Variants in LRRC20 observed in about 807,000 individuals in gnomAD.
The protein encoded by LRRC20 is leucine-rich repeat-containing protein 20.
Under a neutral mutation model 14.4 loss-of-function variants are expected in LRRC20, and 11 were observed. That is an observed-to-expected ratio of 0.77 (90% CI 0.48 to 1.27). LRRC20 has a LOEUF of 1.27. Ranked by LOEUF, LRRC20 falls within the 50% of genes most tolerant of loss-of-function variation. The pLI, the probability that LRRC20 is intolerant of heterozygous loss-of-function variation, is 0.00. For missense variants in LRRC20, 219 were observed against 251.2 expected, an observed-to-expected ratio of 0.87 and a Z score of 0.87; for synonymous variants, 121 against 107.3, an observed-to-expected ratio of 1.13 and a Z score of -0.79.
At chr10:70,317,856 C>T (rs958006725) in intron 4 of LRRC20, among the ~76,000 whole-genome samples, 5 of 152,216 alleles carry the variant, frequency 3.3e-5, no homozygotes, top group Non-Finnish European at 7.3e-5. Context: ...TCTGAAGCCT[C>T]CCACTATGCC....
chr10:70,306,441 G>T (rs777897439), intron 4 of LRRC20, among the ~76,000 whole-genome samples: 1 of 152,064 alleles, frequency 6.6e-6, no homozygotes, highest in East Asian at 1.9e-4. Flanking sequence ...TATTGGAGGA[G>T]TAGTGCACTG....
At chr10:70,355,459 G>A (rs1253514747) in intron 2 of LRRC20, among the ~76,000 whole-genome samples, 9 of 152,076 alleles carry the variant, frequency 5.9e-5, no homozygotes, top group East Asian at 3.9e-4. Flanking sequence ...GACCACATAC[G>A]TCCAGAAAGT....
intron 2 of LRRC20, among the ~76,000 whole-genome samples, chr10:70,356,157 A>G (rs1416316245): frequency 2.6e-5 from 4 of 152,206 alleles, no homozygotes; most frequent in South Asian, 4.1e-4. Flanking sequence ...ACCTCAGGCA[A>G]GTTACTTAAC....
chr10:70,343,253 G>A (rs1003158150), intron 2 of LRRC20, among the ~76,000 whole-genome samples: 2 of 152,108 alleles, frequency 1.3e-5, no homozygotes, highest in African/African-American at 4.8e-5. Context: ...TCTTCCCAGT[G>A]GACTGGGAAG....
At chr10:70,309,490 TTGCAC>T (rs1289955588) in intron 4 of LRRC20, among the ~76,000 whole-genome samples, 1 of 152,192 alleles carries the variant, frequency 6.6e-6, no homozygotes, top group Non-Finnish European at 1.5e-5. Context: ...CCTGGTCTCC[TTGCAC>T]TGGCCCCCGG....
At chr10:70,311,690 T>C (rs1225297672) in intron 4 of LRRC20, among the ~76,000 whole-genome samples, 1 of 152,132 alleles carries the variant, frequency 6.6e-6, no homozygotes, top group Non-Finnish European at 1.5e-5. Context: ...CCCTCAAGTG[T>C]GTGGGCTTCT....
At chr10:70,352,415 A>C (rs925879774) in intron 2 of LRRC20, among the ~76,000 whole-genome samples, 2 of 152,222 alleles carry the variant, frequency 1.3e-5, no homozygotes, top group Admixed American at 1.3e-4. Flanking sequence ...AACTGCTAAA[A>C]AAAATGTAGC....
chr10:70,335,127 G>A (rs1379751513), intron 3 of LRRC20, among the ~76,000 whole-genome samples: 2 of 152,160 alleles, frequency 1.3e-5, no homozygotes, highest in African/African-American at 4.8e-5. Flanking sequence ...GCATCTCCCT[G>A]TCAGGGACAG....
intron 1 of LRRC20, among the ~76,000 whole-genome samples, chr10:70,379,553 G>T (rs111677679): frequency 9.8e-5 from 15 of 152,318 alleles, no homozygotes; most frequent in African/African-American, 2.4e-4. Flanking sequence ...GGGATAAGAA[G>T]GAAGAGGGAG....
intron 3 of LRRC20, among the ~76,000 whole-genome samples, chr10:70,325,705 C>A (rs750743077): frequency 2.0e-5 from 3 of 152,214 alleles, no homozygotes; most frequent in Non-Finnish European, 2.9e-5. Context: ...AGTCCAGCAT[C>A]TGGTAAGGGC....
intron 4 of LRRC20, among the ~76,000 whole-genome samples, chr10:70,311,222 A>ATTTCTTTTTTTTTTTTTT (rs1841648316): frequency 1.2e-5 from 1 of 86,346 alleles, no homozygotes; most frequent in Non-Finnish European, 2.2e-5. Context: ...TCAACATTCC[A>ATTTCTTTTTTTTTTTTTT]TTTTTTTTTT....
chr10:70,361,551 T>C (rs1843719784), intron 2 of LRRC20, among the ~76,000 whole-genome samples: 1 of 151,872 alleles, frequency 6.6e-6, no homozygotes, highest in Admixed American at 6.6e-5. Flanking sequence ...AAGGATAAGA[T>C]CTGAGAGGTA....
chr10:70,324,932 ACAT>A (rs151085562), intron 3 of LRRC20, among the ~76,000 whole-genome samples: 1,566 of 152,292 alleles, frequency 0.01, 29 homozygotes, highest in African/African-American at 0.036. Context: ...CAAGGAGCTA[ACAT>A]CATAATGCCT....
At chr10:70,367,649 A>G (rs1190082586) in intron 2 of LRRC20, among the ~76,000 whole-genome samples, 1 of 152,138 alleles carries the variant, frequency 6.6e-6, no homozygotes, top group Admixed American at 6.5e-5. Flanking sequence ...TAGAAAAGGC[A>G]AAACCACAGC....
At position 70,299,676 on chromosome 10, in the gene LRRC20, GGC is replaced by G. The variant is rs1841091755; in HGVS notation, c.*1676_*1677del. On this transcript the variant is annotated 3_prime_UTR_variant, in exon 5 of 5. Coordinates refer to ENST00000446961, the MANE Select transcript of LRRC20 (RefSeq NM_001278212.2). ...CCACTCCAGGGCACAAGGCAGGTGGGGCCAGCGCAGCCTGCACAGGACTTCAG... is the reference window on the plus strand; with the variant it reads ...CCACTCCAGGGCACAAGGCAGGTGGGCAGCGCAGCCTGCACAGGACTTCAG... 1 of 152,534 alleles carries G rather than the reference GGC, an allele frequency of 6.6e-6. No individual in the cohort carries two copies. Among genetic ancestry groups the G allele is most frequent in the South Asian group, 2.1e-4 (1 of 4,828 alleles). 9.4% of individuals were successfully genotyped at this position (152,534 alleles called of 1,614,324 possible). A position where few individuals can be genotyped will look rare whatever the true frequency, so the allele number is the denominator to read the frequency against.
intron 2 of LRRC20, among the ~76,000 whole-genome samples, chr10:70,343,527 G>A (rs543051072): frequency 1.3e-5 from 2 of 152,344 alleles, no homozygotes; most frequent in South Asian, 4.1e-4. Context: ...AGCAGGTGGG[G>A]TTGGCAGGAG....
chr10:70,355,297 G>C (rs1008028569), intron 2 of LRRC20, among the ~76,000 whole-genome samples: 4 of 152,206 alleles, frequency 2.6e-5, no homozygotes, highest in African/African-American at 9.6e-5. Context: ...AGCCGGACTT[G>C]CTCCCTCTTG....
chr10:70,340,520 A>T, intron 3 of LRRC20, 33 bp downstream of exon 3: 1 of 1,613,400 alleles, frequency 6.2e-7, no homozygotes. Context: ...AGAGCTGGCC[A>T]TGCCCTCCTG....
chr10:70,311,943 T>C (rs1356025641), intron 4 of LRRC20, among the ~76,000 whole-genome samples: 1 of 152,218 alleles, frequency 6.6e-6, no homozygotes, highest in Non-Finnish European at 1.5e-5. Context: ...GTCTCACTAA[T>C]TGTTAGCAAT....
Sources: allele counts gnomAD v4.1 joint callset (sites outside exome capture counted in the v4.1 genomes callset), GRCh38; gene constraint gnomAD v4.1.1; transcripts MANE v1.5; gene names NCBI Gene and HGNC (gene_info 2026-07-23, HGNC 2026-07-21).